The following CAMKK2 variants were observed in gnomAD, a reference collection of about 807,000 sequenced individuals.
CAMKK2 encodes the protein calcium/calmodulin dependent protein kinase kinase 2, also known as calcium/calmodulin-dependent protein kinase kinase 2.
CAMKK2 carries 30 observed loss-of-function variants against 67.2 expected under a neutral mutation model. The ratio of observed to expected loss-of-function variants is 0.45; its 90% CI spans 0.33 to 0.61. CAMKK2 has a LOEUF of 0.61. Among genes scored for constraint, CAMKK2 ranks in the 20% least tolerant of loss-of-function variants. The pLI is 0.02. For synonymous variants in CAMKK2, 322 were observed against 326.2 expected (o/e 0.99, Z 0.14); for missense variants, 643 against 802.0 (o/e 0.80, Z 2.39).
At chr12:121,287,198 G>A (rs1898919258) in intron 1 of CAMKK2, among the ~76,000 whole-genome samples, 1 of 152,142 alleles carries the variant, frequency 6.6e-6, no homozygotes, top group African/African-American at 2.4e-5. Context: ...GAGCCACTGT[G>A]CCTAGCTGGT....
chr12:121,290,651 C>G (rs1053158203), intron 1 of CAMKK2, among the ~76,000 whole-genome samples: 1 of 152,130 alleles, frequency 6.6e-6, no homozygotes, highest in African/African-American at 2.4e-5. Flanking sequence ...GATGGCAACA[C>G]TGCACTCCAG....
chr12:121,290,964 C>T lies in CAMKK2; in HGVS notation c.-60+5674G>A, dbSNP rs111779343. Among the ~76,000 whole-genome samples the T allele has an allele frequency of 1.2e-4, 18 of 152,278 alleles. 1 individual carries two copies. Among genetic ancestry groups the T allele is most frequent in the African/African-American group, 3.8e-4 (16 of 41,560 alleles). On this transcript the variant is annotated intron_variant, in intron 1 of 16. Transcript: ENST00000404169. ...CCTCCAGAGCAGCTGGGATTACAGG[C>T]GCGTGTCAACACACCCGGCTAATTT...
chr12:121,254,009 A>G (rs1019981205), intron 9 of CAMKK2, among the ~76,000 whole-genome samples: 2 of 152,216 alleles, frequency 1.3e-5, no homozygotes, highest in African/African-American at 4.8e-5. Flanking sequence ...GGAAGACCCA[A>G]CTGCCATTTC....
In CAMKK2 at chr12:121,238,013, A is replaced by G. The variant is rs199619164; in HGVS notation, c.*2686T>C. 4 of 152,574 alleles carry G rather than the reference A, an allele frequency of 2.6e-5. No homozygotes were observed. Among genetic ancestry groups the G allele is most frequent in the Non-Finnish European group, 5.9e-5 (4 of 68,052 alleles). 9.5% of individuals were successfully genotyped at this position (152,574 alleles called of 1,614,324 possible). On this transcript the variant is annotated 3_prime_UTR_variant, in exon 17 of 17. Transcript: ENST00000404169. ...AGCAAGTGGAGGTCATGGTTCTTCC[A>G]CTCGGCAACGTGAAGCTCCCCGCTG...
rs1243815891 is a variant in CAMKK2, at chr12:121,254,456, AG to A, written c.908-985del. On this transcript the variant is annotated intron_variant, in intron 9 of 16. Coordinates refer to ENST00000404169, the MANE Select transcript of CAMKK2 (RefSeq NM_001270485.2). ...CCAGGCAACAGGGCAAGAATCTCAA[AG>A]GAAAAAAAGAGCTAAGATGTTTAAC... 6.6e-5 allele frequency among the ~76,000 whole-genome samples: 10 copies of A among 152,132 alleles called. No homozygotes were observed. In the East Asian group the frequency reaches 1.7e-3, roughly 27 times the overall value.
At chr12:121,249,146 C>T (rs1890119711) in intron 13 of CAMKK2, among the ~76,000 whole-genome samples, 1 of 152,222 alleles carries the variant, frequency 6.6e-6, no homozygotes, top group South Asian at 2.1e-4. Flanking sequence ...GACCAGCTGG[C>T]AGGACAGGAT....
chr12:121,271,024 A>G, intron 2 of CAMKK2, 79 bp from the exon 3 acceptor site: 1 of 1,179,094 alleles, frequency 8.5e-7, no homozygotes, highest in Non-Finnish European at 1.3e-6. Context: ...TCACACCTAC[A>G]AGCCCTTCAG....
chr12:121,286,204 T>C (rs1425047590), intron 1 of CAMKK2, among the ~76,000 whole-genome samples: 1 of 152,218 alleles, frequency 6.6e-6, no homozygotes, highest in Non-Finnish European at 1.5e-5. Flanking sequence ...AGCTGCTGTC[T>C]CCCTACACCC....
chr12:121,253,196 G>C lies in CAMKK2; in HGVS notation c.1107+77C>G, dbSNP rs139575371. On this transcript the variant is annotated intron_variant, in intron 10 of 16. Transcript: ENST00000404169. This position sits in a 1 kb window ranked among gnomAD's most constrained non-coding sequence, Gnocchi z 5.0. ...GGATTCACTGTTTAAGCCTGTGTGC[G>C]TTGGGTTTCTGCTGCTTACAATCCA... is the stretch of plus-strand genomic sequence containing the variant. The C allele has an allele frequency of 3.9e-6, 5 of 1,294,228 alleles. No homozygotes were observed. The Admixed American group carries it at 9.0e-5, about 23-fold the overall frequency. 80.2% of individuals were successfully genotyped at this position (1,294,228 alleles called of 1,614,324 possible). A position where few individuals can be genotyped will look rare whatever the true frequency, so the allele number is the denominator to read the frequency against.
At position 121,255,342 on chromosome 12, in the gene CAMKK2, T is replaced by TTA. The variant is rs55692571; in HGVS notation, c.907+206_907+207dup. Among the ~76,000 whole-genome samples, 6 of 12,386 alleles carry TTA rather than the reference T, an allele frequency of 4.8e-4. 2 individuals are homozygous for TTA. Among genetic ancestry groups the TTA allele is most frequent in the African/African-American group, 1.1e-3 (5 of 4,508 alleles). 8.1% of individuals were successfully genotyped at this position (12,386 alleles called of 152,430 possible). A position where few individuals can be genotyped will look rare whatever the true frequency, so the allele number is the denominator to read the frequency against. ...TATATATATATAATTATATATAATT[T>TTA]TATATATATAATTATATATATAATT... On this transcript the variant is annotated intron_variant, in intron 9 of 16. Coordinates refer to ENST00000404169, the MANE Select transcript of CAMKK2 (RefSeq NM_001270485.2).
chr12:121,254,998 A>G (rs1222656953), intron 9 of CAMKK2, among the ~76,000 whole-genome samples: 1 of 151,266 alleles, frequency 6.6e-6, no homozygotes, highest in African/African-American at 2.4e-5. Flanking sequence ...GCAGGCAGAA[A>G]AACGTGAAAG....
intron 1 of CAMKK2, among the ~76,000 whole-genome samples, chr12:121,280,002 G>C (rs528496752): frequency 7.9e-5 from 12 of 152,210 alleles, no homozygotes; most frequent in Non-Finnish European, 1.5e-4. Flanking sequence ...AGGCTCCCCC[G>C]AGGTTGCCTC....
At chr12:121,260,991 G>A (rs1157465591) in intron 6 of CAMKK2, among the ~76,000 whole-genome samples, 1 of 150,976 alleles carries the variant, frequency 6.6e-6, no homozygotes, top group Non-Finnish European at 1.5e-5. Flanking sequence ...GCTCCTAGGA[G>A]ACAACGGTGT....
At chr12:121,292,381 G>A (rs1435761652) in intron 1 of CAMKK2, among the ~76,000 whole-genome samples, 5 of 152,084 alleles carry the variant, frequency 3.3e-5, no homozygotes, top group African/African-American at 7.2e-5. Flanking sequence ...TACCCGCCTC[G>A]GCCTCCCAAA....
rs968683291 is a variant in CAMKK2 at position 121,237,978 on chromosome 12, G to C, written c.*2721C>G. ...ACCAGCGTACCCTGAAACTTCCCTAGCACCTTGGAAGCAAGTGGAGGTCAT... is the reference window on the plus strand; with the variant it reads ...ACCAGCGTACCCTGAAACTTCCCTACCACCTTGGAAGCAAGTGGAGGTCAT... On this transcript the variant is annotated 3_prime_UTR_variant, in exon 17 of 17. Coordinates refer to ENST00000404169, the MANE Select transcript of CAMKK2 (RefSeq NM_001270485.2). This position sits in a 1 kb window ranked among gnomAD's most constrained non-coding sequence, Gnocchi z 4.5. 6.6e-6 allele frequency: 1 copy of C among 152,650 alleles called. No homozygotes were observed. The highest frequency in any genetic ancestry group is 2.4e-5 in the African/African-American group (1 of 41,448). 9.5% of individuals were successfully genotyped at this position (152,650 alleles called of 1,614,324 possible).
At chr12:121,262,944 G>A (rs1382732447) in intron 6 of CAMKK2, among the ~76,000 whole-genome samples, 6 of 152,052 alleles carry the variant, frequency 3.9e-5, no homozygotes, top group African/African-American at 1.4e-4. Context: ...ACTCATATAA[G>A]TGAAAGTGCT....
chr12:121,280,505 G>C (rs1053558554), intron 1 of CAMKK2, among the ~76,000 whole-genome samples: 1 of 152,256 alleles, frequency 6.6e-6, no homozygotes, highest in African/African-American at 2.4e-5. Context: ...GGGAATAAGA[G>C]AGATAACCTT....
At chr12:121,282,750 T>C (rs78568322) in intron 1 of CAMKK2, among the ~76,000 whole-genome samples, 1 of 120,692 alleles carries the variant, frequency 8.3e-6, no homozygotes, top group Admixed American at 7.4e-5. Context: ...CTGTTCTTTT[T>C]TTTCTTTTCT....
intron 2 of CAMKK2, among the ~76,000 whole-genome samples, chr12:121,271,194 G>A (rs769764429): frequency 6.6e-6 from 1 of 151,068 alleles, no homozygotes; most frequent in Non-Finnish European, 1.5e-5. Context: ...AGAATCGCGT[G>A]AGCCCAGGAG....
Sources: gnomAD v4.1 joint callset for allele counts (sites outside exome capture counted in the v4.1 genomes callset) on GRCh38, gnomAD v4.1.1 for gene constraint, Gnocchi (gnomAD v3.1) non-coding constraint, MANE v1.5 for transcripts, NCBI Gene and HGNC (gene_info 2026-07-23, HGNC 2026-07-21) for gene names.